RPS6KC1: variants seen among roughly 807,000 people sequenced by gnomAD.
RPS6KC1 encodes inactive ribosomal protein S6 kinase delta-1.
RPS6KC1 carries 54 observed loss-of-function variants against 103.8 expected under a neutral mutation model. That is an observed-to-expected ratio of 0.52 (90% CI 0.42 to 0.65). The LOEUF (loss-of-function observed/expected upper bound fraction) is 0.65. RPS6KC1 is among the 30% of genes least tolerant of loss of function. The pLI is 0.00. For missense variants in RPS6KC1, 1,151 were observed against 1,253.8 expected, an observed-to-expected ratio of 0.92 and a Z score of 1.24; for synonymous variants, 439 against 438.7, an observed-to-expected ratio of 1.00 and a Z score of -0.01.
chr1:213,358,309 G>A, the RPS6KC1 span, among the ~76,000 whole-genome samples: 1 of 152,112 alleles, frequency 6.6e-6, no homozygotes, highest in Non-Finnish European at 1.5e-5. Flanking sequence ...CTCAATTTCC[G>A]AGCCTGTTTT....
At chr1:213,692,560 C>T in the RPS6KC1 span, among the ~76,000 whole-genome samples, 3 of 152,230 alleles carry the variant, frequency 2.0e-5, no homozygotes, top group African/African-American at 7.2e-5. Flanking sequence ...TGATTCTTCC[C>T]TTGCGGTGGG....
At chr1:213,817,778 C>T in the RPS6KC1 span, 7 of 151,400 alleles carry the variant, frequency 4.6e-5, no homozygotes, top group Non-Finnish European at 1.0e-4. Flanking sequence ...TTCTTTATTG[C>T]GTTTTGCAGA....
the RPS6KC1 span, among the ~76,000 whole-genome samples, chr1:213,501,359 T>C: frequency 1.3e-5 from 2 of 152,222 alleles, no homozygotes; most frequent in Admixed American, 6.5e-5. Context: ...CCCAACTCAT[T>C]TCATAAACAA....
the RPS6KC1 span, among the ~76,000 whole-genome samples, chr1:213,409,404 A>T: frequency 6.6e-6 from 1 of 151,902 alleles, no homozygotes; most frequent in African/African-American, 2.4e-5. Flanking sequence ...GCTCTGTTTT[A>T]GTTGGTTTTG....
chr1:213,140,971 A>C (rs2086958981), intron 6 of RPS6KC1, among the ~76,000 whole-genome samples: 2 of 148,268 alleles, frequency 1.3e-5, no homozygotes. Flanking sequence ...ATCTTGGCTC[A>C]CTGCAACCTC....
chr1:213,520,793 A>G, the RPS6KC1 span, among the ~76,000 whole-genome samples: 1 of 152,224 alleles, frequency 6.6e-6, no homozygotes, highest in African/African-American at 2.4e-5. Flanking sequence ...TGGATTTTCA[A>G]AAAGAAGGGT....
chr1:213,561,771 A>G, the RPS6KC1 span, among the ~76,000 whole-genome samples: 116 of 152,318 alleles, frequency 7.6e-4, no homozygotes, highest in African/African-American at 2.4e-3. Context: ...TCTCTAAAAT[A>G]TTTTTGAGAG....
intron 3 of RPS6KC1, among the ~76,000 whole-genome samples, chr1:213,102,506 A>G (rs754013170): frequency 3.9e-5 from 6 of 152,242 alleles, no homozygotes; most frequent in Non-Finnish European, 8.8e-5. Context: ...AAGCTACAGT[A>G]TAATTTGTTT....
the RPS6KC1 span, among the ~76,000 whole-genome samples, chr1:213,712,192 T>G: frequency 6.6e-6 from 1 of 152,214 alleles, no homozygotes; most frequent in Non-Finnish European, 1.5e-5. Context: ...GCTGCTGCCT[T>G]TCTTTCAGAG....
At chr1:213,368,744 C>A in the RPS6KC1 span, among the ~76,000 whole-genome samples, 10 of 152,134 alleles carry the variant, frequency 6.6e-5, no homozygotes, top group African/African-American at 2.4e-4. Flanking sequence ...CTAGCAAAGT[C>A]CTGCAAAAGA....
Position 213,241,920 on chromosome 1 carries a change from A to T in RPS6KC1, c.2444A>T (p.Glu815Val). Residue 815 changes from glutamate (E) to valine (V), a missense_variant, in exon 11 of 15, where the codon GAA (glutamate) becomes GTA (valine). By Grantham distance (121) the Glu-to-Val change is moderately radical. Around this residue, in one of 3 missense-constraint regions of RPS6KC1, gnomAD observed 959 missense variants for 1,006.3 expected, o/e 0.95. Transcript: ENST00000366960. The part of the protein sequence containing the change: ...VESAVTANNT[E>V]ESLFRICSPL... ...TCAGCAGTAACTGCAAACAACACAG[A>T]AGAAAGCTTATTCCGTATTTGTAGT... 1 of 1,614,072 alleles carries T rather than the reference A, an allele frequency of 6.2e-7. No individual in the cohort carries two copies. The highest frequency in any genetic ancestry group is 8.5e-7 in the Non-Finnish European group (1 of 1,179,962).
the RPS6KC1 span, among the ~76,000 whole-genome samples, chr1:213,292,514 G>T: frequency 1.3e-5 from 2 of 152,194 alleles, no homozygotes; most frequent in African/African-American, 2.4e-5. Flanking sequence ...CAAGGTGCTT[G>T]AGAAACCCTT....
chr1:213,287,471 T>C, the RPS6KC1 span, among the ~76,000 whole-genome samples: 1 of 152,204 alleles, frequency 6.6e-6, no homozygotes, highest in Non-Finnish European at 1.5e-5. Flanking sequence ...AGCAAGTGCC[T>C]CTTTGATGGT....
the RPS6KC1 span, among the ~76,000 whole-genome samples, chr1:213,716,933 A>T: frequency 1.3e-5 from 2 of 152,370 alleles, no homozygotes; most frequent in African/African-American, 4.8e-5. Context: ...AGAAAGATTT[A>T]TTCATTTTCC....
At chr1:213,787,379 G>A in the RPS6KC1 span, among the ~76,000 whole-genome samples, 3 of 152,180 alleles carry the variant, frequency 2.0e-5, no homozygotes, top group Admixed American at 6.5e-5. Context: ...GGAATAAGGT[G>A]GAGGAGGAAA....
At chr1:213,851,032 A>G in the RPS6KC1 span, among the ~76,000 whole-genome samples, 1 of 152,012 alleles carries the variant, frequency 6.6e-6, no homozygotes, top group Non-Finnish European at 1.5e-5. Context: ...GCCTCTCCCC[A>G]TTCCCAAAGT....
intron 5 of RPS6KC1, among the ~76,000 whole-genome samples, chr1:213,128,125 C>T (rs1215188857): frequency 1.3e-5 from 2 of 152,156 alleles, no homozygotes; most frequent in Admixed American, 6.5e-5. Flanking sequence ...ATCTATGTGA[C>T]ATTTCCTTCA....
chr1:213,463,690 C>T, the RPS6KC1 span, among the ~76,000 whole-genome samples: 5 of 152,138 alleles, frequency 3.3e-5, no homozygotes, highest in African/African-American at 4.8e-5. Flanking sequence ...TGGCCAAACA[C>T]TCAAGGGCAA....
the RPS6KC1 span, among the ~76,000 whole-genome samples, chr1:213,671,067 C>T: frequency 6.6e-6 from 1 of 152,106 alleles, no homozygotes; most frequent in Non-Finnish European, 1.5e-5. Flanking sequence ...GGGAGAACAC[C>T]CAAGCCTTCC....
Sources: gnomAD v4.1 joint callset for allele counts (sites outside exome capture counted in the v4.1 genomes callset) on GRCh38, gnomAD v4.1.1 for gene constraint, gnomAD v4.1.1 regional missense constraint, MANE v1.5 for transcripts, NCBI Gene and HGNC (gene_info 2026-07-23, HGNC 2026-07-21) for gene names.